ADAD2: variants seen among roughly 807,000 people sequenced by gnomAD.
ADAD2 encodes adenosine deaminase domain containing 2, also known as adenosine deaminase domain-containing protein 2.
In ADAD2, 60 loss-of-function variants were observed where a neutral mutation model predicts 54.5. The observed-to-expected ratio is 1.10, with a 90% CI of 0.89 to 1.36. ADAD2 has a LOEUF of 1.36. Ranked by LOEUF, ADAD2 falls within the 40% of genes most tolerant of loss-of-function variation. ADAD2 has a pLI of 0.00. For missense variants in ADAD2, 1,103 were observed against 801.3 expected, an observed-to-expected ratio of 1.38 and a Z score of -4.54; for synonymous variants, 543 against 366.2, an observed-to-expected ratio of 1.48 and a Z score of -5.51.
intron 1 of ADAD2, chr16:84,194,055 G>A: frequency 6.2e-7 from 1 of 1,607,898 alleles, no homozygotes. Context: ...TGAAAGCAAT[G>A]TGTCTGTGGC....
In ADAD2 at chr16:84,196,929, G is replaced by C. The variant is rs747920209; in HGVS notation, c.1707G>C (p.Leu569=). 5 of 1,605,334 alleles carry C rather than the reference G, an allele frequency of 3.1e-6. No individual in the cohort carries two copies. The Admixed American group carries it at 6.8e-5, about 22-fold the overall frequency. ...CTCTCCTCCTGGACCAGCAGGGCCT[G>C]GGGGCTTGGCCCTCGAAGCCACTGG... is the stretch of plus-strand genomic sequence containing the variant. ...QLSLLLDQQG[L]GAWPSKPLVG... Residue 569 remains leucine (L), a synonymous_variant, in exon 10 of 10, where the codon CTG becomes CTC. Coordinates refer to ENST00000315906, the MANE Select transcript of ADAD2 (RefSeq NM_001145400.2).
Position 84,195,116 on chromosome 16 carries a change from G to A in ADAD2, c.655G>A (p.Gly219Ser), listed in dbSNP as rs200062226. The stretch of plus-strand genomic sequence containing the variant: ...GCGCTGCGCAGCGTTGGTGAGCGCC[G>A]GCTTTGACCTCCTGTTGGACGAGCG... ...EQRCAALVSA[G>S]FDLLLDERSP... The change falls in exon 4 of 10, where the codon GGC becomes AGC. Residue 219 changes from glycine (G) to serine (S), a missense_variant. Transcript: ENST00000315906. 5.5e-5 allele frequency: 89 copies of A among 1,613,680 alleles called. No homozygotes were observed. The Admixed American group carries it at 6.8e-4, about 12-fold the overall frequency.
chr16:84,194,419 T>C, intron 1 of ADAD2, 23 bp from the exon 2 acceptor site: 1 of 1,597,018 alleles, frequency 6.3e-7, no homozygotes, highest in Non-Finnish European at 8.5e-7. Flanking sequence ...GGGGGCTGCT[T>C]CCTCACCTGG....
rs1430971090 is a variant in ADAD2 at position 84,197,134 on chromosome 16, C to T, written c.*160C>T. The T allele has an allele frequency of 3.1e-5, 21 of 681,312 alleles. No individual in the cohort carries two copies. Among genetic ancestry groups the T allele is most frequent in the African/African-American group, 5.5e-5 (3 of 54,290 alleles). 42.2% of individuals were successfully genotyped at this position (681,312 alleles called of 1,614,324 possible). On this transcript the variant is annotated 3_prime_UTR_variant, in exon 10 of 10. Transcript: ENST00000315906. ...CTGTGGTTGGGAGGCGGCTGCTGCA[C>T]GTTTGGGCTTGAATAAAGAAGTATT...
Position 84,196,634 on chromosome 16 carries a change from T to C in ADAD2, c.1527-13T>C. The stretch of plus-strand genomic sequence containing the variant: ...TATCTCTCTGATCTCAGTGGTATCC[T>C]CTCTTCATCCAGTGCCGCCCTGGGG... On this transcript the variant is annotated splice_polypyrimidine_tract_variant and intron_variant, in intron 8 of 9. Transcript: ENST00000315906. 4 of 1,611,940 alleles carry C rather than the reference T, an allele frequency of 2.5e-6. No individual in the cohort carries two copies. The highest frequency in any genetic ancestry group is 3.4e-6 in the Non-Finnish European group (4 of 1,179,136).
rs773838136 is a variant in ADAD2, at chr16:84,196,221, CGTCCG to C, written c.1379_1383del (p.Val460AspfsTer19). On this transcript the variant is annotated frameshift_variant, in exon 8 of 10. Coordinates refer to ENST00000315906, the MANE Select transcript of ADAD2 (RefSeq NM_001145400.2). LOFTEE classifies it high-confidence loss of function. ...TGGGGCCATGCCTGCCACCTCCCTA[CGTCCG>C]GACCGCCCTGCACCTGTTTGCAGGG... is the stretch of plus-strand genomic sequence containing the variant. The C allele has an allele frequency of 6.2e-7, 1 of 1,611,192 alleles. No individual in the cohort carries two copies. Among genetic ancestry groups the C allele is most frequent in the South Asian group, 1.1e-5 (1 of 91,076 alleles).
At chr16:84,194,401 G>A (rs767536050) in intron 1 of ADAD2, 41 bp from the exon 2 acceptor site, 81 of 1,589,940 alleles carry the variant, frequency 5.1e-5, no homozygotes, top group East Asian at 1.8e-4. Flanking sequence ...GTCACAGGGC[G>A]AAGGCCAGGG....
At chr16:84,191,705 C>A in intron 1 of ADAD2, 57 bp downstream of exon 1, 2 of 1,541,354 alleles carry the variant, frequency 1.3e-6, no homozygotes, top group South Asian at 1.2e-5. Context: ...AGGGCTGGGT[C>A]CCAGGACGTG....
At chr16:84,194,743 G>T in intron 2 of ADAD2, 161 bp downstream of exon 2, 1 of 1,354,778 alleles carries the variant, frequency 7.4e-7, no homozygotes, top group Non-Finnish European at 1.0e-6. Flanking sequence ...GAGCTGGGGC[G>T]GGGTACATGT....
chr16:84,192,062 G>A (rs1295995060), intron 1 of ADAD2, among the ~76,000 whole-genome samples: 1 of 152,212 alleles, frequency 6.6e-6, no homozygotes, highest in Non-Finnish European at 1.5e-5. Flanking sequence ...GGGTAATACC[G>A]TGTACATGAT....
Position 84,191,177 on chromosome 16 carries a change from A to T in ADAD2, c.-54A>T. On this transcript the variant is annotated 5_prime_UTR_variant, in exon 1 of 10. The change creates a new upstream start codon in the 5' untranslated region. Coordinates refer to ENST00000315906, the MANE Select transcript of ADAD2 (RefSeq NM_001145400.2). ...AAGGCACCCGCCCTGCGCGTGTGAA[A>T]GGGCGAGAGCAGCGCGAGATAGGGC... The T allele has an allele frequency of 6.4e-7, 1 of 1,561,884 alleles. No homozygotes were observed. The highest frequency in any genetic ancestry group is 8.7e-7 in the Non-Finnish European group (1 of 1,150,814).
In ADAD2 at chr16:84,191,451, G is replaced by A. The variant is rs537718186; in HGVS notation, c.221G>A (p.Gly74Glu). The A allele has an allele frequency of 7.9e-5, 121 of 1,525,642 alleles. No homozygotes were observed. In the South Asian group the frequency reaches 1.3e-3, roughly 17 times the overall value. The allele number at this position is 1,525,642 out of a possible 1,614,324, so 94.5% of individuals were successfully genotyped here. Reference protein sequence around the residue: ...LRDSGPGAGAGVGELGAARAW... With the variant: ...LRDSGPGAGAEVGELGAARAW... ...GACAGTGGGCCTGGGGCAGGGGCCG[G>A]AGTCGGGGAACTGGGGGCAGCCCGG... Residue 74 changes from glycine (G) to glutamate (E), a missense_variant, in exon 1 of 10, where the codon GGA becomes GAA. Physicochemically the swap from Gly to Glu is moderately conservative, Grantham distance 98. Coordinates refer to ENST00000315906, the MANE Select transcript of ADAD2 (RefSeq NM_001145400.2).
rs1555533452 is a variant in ADAD2, at chr16:84,194,969, C to T, written c.596C>T (p.Pro199Leu). ...ACCTCCAGCCGGCCTCCACTGGCCC[C>T]CCTGAGCGTAGGTAGGTGAGCATTC... ...PQTSSRPPLA[P>L]LSVENILTHE... is the part of the protein sequence containing the mutation. The change falls in exon 3 of 10, where the codon CCC becomes CTC. Residue 199 changes from proline (P) to leucine (L), a missense_variant. Coordinates refer to ENST00000315906, the MANE Select transcript of ADAD2 (RefSeq NM_001145400.2). 1.2e-6 allele frequency: 2 copies of T among 1,611,840 alleles called. No individual in the cohort carries two copies. Among genetic ancestry groups the T allele is most frequent in the South Asian group, 2.2e-5 (2 of 90,926 alleles).
At position 84,196,906 on chromosome 16, in the gene ADAD2, C is replaced by G. The variant is rs1246810406; in HGVS notation, c.1684C>G (p.Leu562Val). 2.5e-6 allele frequency: 4 copies of G among 1,599,304 alleles called. No individual in the cohort carries two copies. The highest frequency in any genetic ancestry group is 2.6e-6 in the Non-Finnish European group (3 of 1,174,054). Residue 562 changes from leucine to valine, a missense_variant, in exon 10 of 10, where the codon CTC (leucine) becomes GTC (valine). Leu to Val is a conservative substitution (Grantham distance 32, BLOSUM62 1). Transcript: ENST00000315906. ...PYQEARRQLS[L>V]LLDQQGLGAW... ...CCAGGAGGCTCGCAGGCAGCTGTCT[C>G]TCCTCCTGGACCAGCAGGGCCTGGG... is the stretch of plus-strand genomic sequence containing the variant.
At chr16:84,195,230 C>T (rs771909368) in intron 4 of ADAD2, 36 bp downstream of exon 4, 10 of 1,610,280 alleles carry the variant, frequency 6.2e-6, no homozygotes, top group Non-Finnish European at 8.5e-6. Context: ...TGGCCCCGGC[C>T]CCCTGGGAAG....
chr16:84,192,008 C>G (rs908377622), intron 1 of ADAD2: 11 of 412,494 alleles, frequency 2.7e-5, no homozygotes, highest in Non-Finnish European at 5.0e-5. Flanking sequence ...GAAATGGGAG[C>G]CACTCCCCTG....
chr16:84,193,951 T>C (rs956762987), intron 1 of ADAD2: 4 of 1,483,760 alleles, frequency 2.7e-6, no homozygotes, highest in Non-Finnish European at 3.6e-6. Context: ...CAGTTCCAGA[T>C]TTTTCATCTC....
rs761743964 is a variant in ADAD2 at position 84,191,382 on chromosome 16, C to T, written c.152C>T (p.Thr51Met). The T allele has an allele frequency of 1.1e-5, 16 of 1,512,360 alleles. No homozygotes were observed. Among genetic ancestry groups the T allele is most frequent in the South Asian group, 1.2e-5 (1 of 80,370 alleles). 93.7% of individuals were successfully genotyped at this position (1,512,360 alleles called of 1,614,324 possible). ...TGGGGGCCCGCGCCCGCGCCCGCGACGTATCGCGCGGAGGGCGGGTGGCCC... is the reference window on the plus strand; with the variant it reads ...TGGGGGCCCGCGCCCGCGCCCGCGATGTATCGCGCGGAGGGCGGGTGGCCC... ...SAWGPAPAPA[T>M]YRAEGGWPQV... The change falls in exon 1 of 10, where the codon ACG becomes ATG. Residue 51 changes from threonine (T) to methionine (M), a missense_variant. Physicochemically the swap from Thr to Met is moderately conservative, Grantham distance 81. Transcript: ENST00000315906.
chr16:84,197,007 C>T lies in ADAD2; in HGVS notation c.*33C>T. ...CTCGGCGGGACCGAGGTCCCGGAGC[C>T]AAGCTGTACCCCTGCTGGGGGAGTG... On this transcript the variant is annotated 3_prime_UTR_variant, in exon 10 of 10. Coordinates refer to ENST00000315906, the MANE Select transcript of ADAD2 (RefSeq NM_001145400.2). The T allele has an allele frequency of 6.4e-7, 1 of 1,554,354 alleles. No homozygotes were observed. The highest frequency in any genetic ancestry group is 8.7e-7 in the Non-Finnish European group (1 of 1,147,530).
Sources: gnomAD v4.1 joint callset for allele counts (sites outside exome capture counted in the v4.1 genomes callset) on GRCh38, gnomAD v4.1.1 for gene constraint, MANE v1.5 for transcripts, NCBI Gene and HGNC (gene_info 2026-07-23, HGNC 2026-07-21) for gene names.